TAFA1: variants seen among roughly 807,000 people sequenced by gnomAD.
The protein encoded by TAFA1 is chemokine-like protein TAFA-1.
A neutral mutation model predicts 18.5 loss-of-function variants in TAFA1; 4 were observed. The observed-to-expected ratio is 0.22, with a 90% CI of 0.11 to 0.49. The LOEUF (loss-of-function observed/expected upper bound fraction) is 0.49, where lower values mean the gene tolerates loss of function less well. TAFA1 is among the 20% of genes least tolerant of loss of function. The pLI is 0.98. For missense variants in TAFA1, 147 were observed against 169.0 expected (o/e 0.87, Z 0.72); for synonymous variants, 56 against 55.2 (o/e 1.01, Z -0.06).
At chr3:68,485,568 C>G (rs1200211065) in intron 3 of TAFA1, among the ~76,000 whole-genome samples, 1 of 152,218 alleles carries the variant, frequency 6.6e-6, no homozygotes, top group East Asian at 1.9e-4. Context: ...TTCAATTCCT[C>G]TATTTCCTTT....
intron 2 of TAFA1, among the ~76,000 whole-genome samples, chr3:68,377,044 C>A (rs1232647069): frequency 6.6e-6 from 1 of 152,132 alleles, no homozygotes; most frequent in Non-Finnish European, 1.5e-5. Context: ...TTTCCCAAGC[C>A]ATATGGAACT....
intron 2 of TAFA1, among the ~76,000 whole-genome samples, chr3:68,172,280 C>A (rs982204424): frequency 2.0e-5 from 3 of 152,118 alleles, no homozygotes; most frequent in Non-Finnish European, 4.4e-5. Flanking sequence ...ATTATGGAGG[C>A]TAGGCATGTG....
At chr3:68,305,062 C>T (rs1014384217) in intron 2 of TAFA1, among the ~76,000 whole-genome samples, 11 of 151,978 alleles carry the variant, frequency 7.2e-5, no homozygotes, top group African/African-American at 2.4e-4. Flanking sequence ...AATCTACTTT[C>T]CTTAAGTTCT....
At chr3:68,470,695 A>G (rs188374349) in intron 3 of TAFA1, among the ~76,000 whole-genome samples, 10 of 152,330 alleles carry the variant, frequency 6.6e-5, no homozygotes, top group Non-Finnish European at 1.3e-4. Context: ...CTAAGCAGCA[A>G]TGCATTCAAG....
intron 2 of TAFA1, among the ~76,000 whole-genome samples, chr3:68,123,483 C>G (rs1385896515): frequency 6.6e-5 from 10 of 152,188 alleles, no homozygotes; most frequent in Admixed American, 3.3e-4. Context: ...AGAACTTTCC[C>G]TACTATATTG....
the TAFA1 span, among the ~76,000 whole-genome samples, chr3:67,991,870 A>G: frequency 6.6e-6 from 1 of 152,272 alleles, no homozygotes; most frequent in South Asian, 2.1e-4. Context: ...ACCTATATCT[A>G]TATCATCTAT....
chr3:68,500,792 A>AC (rs1462450775), intron 3 of TAFA1, among the ~76,000 whole-genome samples: 1 of 151,976 alleles, frequency 6.6e-6, no homozygotes, highest in Non-Finnish European at 1.5e-5. Context: ...ATGAAGGCAC[A>AC]CCCCCACTTC....
At chr3:68,025,547 A>G (rs4856813) in intron 2 of TAFA1, among the ~76,000 whole-genome samples, 30,822 of 152,114 alleles carry the variant, frequency 0.2, 3,750 homozygotes, top group Non-Finnish European at 0.28. Context: ...AGTCCTTGCA[A>G]AGGGCCCTAA....
At chr3:68,055,579 T>C (rs1433277196) in intron 2 of TAFA1, among the ~76,000 whole-genome samples, 1 of 152,052 alleles carries the variant, frequency 6.6e-6, no homozygotes, top group Non-Finnish European at 1.5e-5. Flanking sequence ...GGGACAGATC[T>C]TGAGGAAGGC....
In TAFA1 at chr3:68,035,707, T is replaced by C. The variant is rs373950554; in HGVS notation, c.118+28963T>C. Among the ~76,000 whole-genome samples the C allele has an allele frequency of 2.6e-5, 4 of 152,290 alleles. No homozygotes were observed. In the East Asian group the frequency reaches 7.7e-4, roughly 29 times the overall value. ...ATTCGCCCAAAAGAAATGCAACTTA[T>C]GTTCACACAAAAAACATGTGTGAAT... On this transcript the variant is annotated intron_variant, in intron 2 of 4. Transcript: ENST00000478136.
At chr3:68,341,659 T>C (rs573081937) in intron 2 of TAFA1, among the ~76,000 whole-genome samples, 1 of 152,310 alleles carries the variant, frequency 6.6e-6, no homozygotes, top group South Asian at 2.1e-4. Context: ...ACTTTCCTTC[T>C]CAAGGTTAGT....
chr3:68,202,004 G>A (rs1034482853), intron 2 of TAFA1, among the ~76,000 whole-genome samples: 4 of 151,626 alleles, frequency 2.6e-5, no homozygotes, highest in Non-Finnish European at 4.4e-5. Flanking sequence ...TCACCAGAAT[G>A]AGAACTCAAT....
chr3:68,030,996 A>C (rs932332310), intron 2 of TAFA1, among the ~76,000 whole-genome samples: 69 of 152,180 alleles, frequency 4.5e-4, no homozygotes, highest in Admixed American at 3.3e-3. Context: ...TGTACCAACA[A>C]AAAAGAAATA....
intron 2 of TAFA1, among the ~76,000 whole-genome samples, chr3:68,270,614 C>T (rs145051003): frequency 3.9e-5 from 6 of 152,222 alleles, no homozygotes; most frequent in Admixed American, 3.3e-4. Context: ...GAAAGTATAA[C>T]CTGGGTCTAC....
At chr3:68,331,618 G>C (rs1428728400) in intron 2 of TAFA1, among the ~76,000 whole-genome samples, 1 of 152,096 alleles carries the variant, frequency 6.6e-6, no homozygotes, top group African/African-American at 2.4e-5. Context: ...TACAAAATTT[G>C]TGTGACTTGC....
intron 2 of TAFA1, among the ~76,000 whole-genome samples, chr3:68,133,506 A>G (rs564580291): frequency 6.6e-6 from 1 of 152,256 alleles, no homozygotes; most frequent in African/African-American, 2.4e-5. Flanking sequence ...TGAACATGGA[A>G]TGTTTTTCCA....
chr3:68,274,545 C>T (rs1575737383), intron 2 of TAFA1, among the ~76,000 whole-genome samples: 1 of 152,326 alleles, frequency 6.6e-6, no homozygotes, highest in East Asian at 1.9e-4. Flanking sequence ...AAGGACAAGA[C>T]ACAGCCTGCT....
chr3:68,204,657 A>T (rs932954370), intron 2 of TAFA1, among the ~76,000 whole-genome samples: 9 of 151,952 alleles, frequency 5.9e-5, no homozygotes, highest in Admixed American at 5.9e-4. Flanking sequence ...GGAGAGATTA[A>T]AAGCAACAAT....
intron 2 of TAFA1, among the ~76,000 whole-genome samples, chr3:68,088,896 CTA>C (rs1193865438): frequency 5.9e-5 from 9 of 152,044 alleles, no homozygotes; most frequent in African/African-American, 2.2e-4. Context: ...CATTCTGGCT[CTA>C]TGTAATGGTA....
Sources: allele counts gnomAD v4.1 joint callset (sites outside exome capture counted in the v4.1 genomes callset), GRCh38; gene constraint gnomAD v4.1.1; transcripts MANE v1.5; gene names NCBI Gene and HGNC (gene_info 2026-07-23, HGNC 2026-07-21).